PLEKHS1: variants seen among roughly 807,000 people sequenced by gnomAD.
PLEKHS1 encodes the protein pleckstrin homology domain containing S1, also known as pleckstrin homology domain-containing family S member 1.
A neutral mutation model predicts 51.0 loss-of-function variants in PLEKHS1; 55 were observed. The ratio of observed to expected loss-of-function variants is 1.08; its 90% CI spans 0.87 to 1.35. PLEKHS1 has a LOEUF of 1.35. Ranked by LOEUF, PLEKHS1 falls within the 40% of genes most tolerant of loss-of-function variation. The probability of loss-of-function intolerance (pLI) is 0.00; values close to 1 mark genes in which losing one functional copy is unlikely to be tolerated. For synonymous variants in PLEKHS1, 153 were observed against 144.8 expected, an observed-to-expected ratio of 1.06 and a Z score of -0.41; for missense variants, 398 against 423.0, an observed-to-expected ratio of 0.94 and a Z score of 0.52.
chr10:113,764,803 G>A (rs910493881), intron 2 of PLEKHS1: 3 of 152,308 alleles, frequency 2.0e-5, no homozygotes, highest in Non-Finnish European at 4.4e-5. Flanking sequence ...TGTTTATGTT[G>A]TTAGTTACAG....
chr10:113,778,365 T>G (rs1844761808), intron 11 of PLEKHS1, among the ~76,000 whole-genome samples: 1 of 152,248 alleles, frequency 6.6e-6, no homozygotes, highest in African/African-American at 2.4e-5. Context: ...TTAGCTTTCC[T>G]TAAAAAACAG....
chr10:113,755,044 G>A (rs560215354), intron 1 of PLEKHS1, among the ~76,000 whole-genome samples: 3 of 152,316 alleles, frequency 2.0e-5, no homozygotes, highest in Non-Finnish European at 2.9e-5. Context: ...CACTGTGTGA[G>A]GACAAGCTGC....
In PLEKHS1 at chr10:113,777,844, G is replaced by A. The variant is rs908780732; in HGVS notation, c.1091+1978G>A. On this transcript the variant is annotated intron_variant, in intron 11 of 11. Transcript: ENST00000361048. The stretch of plus-strand genomic sequence containing the variant: ...GCAAGAATTAAACATAATATGTGGT[G>A]CTGGGCACGGTGGCTTACACCTGTA... 7.7e-6 allele frequency: 10 copies of A among 1,299,782 alleles called. No homozygotes were observed. In the African/African-American group the frequency reaches 1.3e-4, roughly 18 times the overall value. The allele number at this position is 1,299,782 out of a possible 1,614,324, so 80.5% of individuals were successfully genotyped here.
At chr10:113,765,623 T>G (rs904024189) in intron 2 of PLEKHS1, among the ~76,000 whole-genome samples, 3 of 152,280 alleles carry the variant, frequency 2.0e-5, no homozygotes, top group Middle Eastern at 3.2e-3. Context: ...CTATAAGTGA[T>G]GAAATTATAG....
downstream of PLEKHS1, chr10:113,783,284 C>G (rs942482154): frequency 2.0e-5 from 3 of 151,628 alleles, no homozygotes; most frequent in Non-Finnish European, 2.9e-5. Flanking sequence ...GATTTCATAT[C>G]ATTGAACACT....
intron 2 of PLEKHS1, among the ~76,000 whole-genome samples, chr10:113,758,749 A>G (rs1460221495): frequency 6.6e-6 from 1 of 152,204 alleles, no homozygotes; most frequent in East Asian, 1.9e-4. Flanking sequence ...GGGAATAGCC[A>G]GTCAGTGGAG....
chr10:113,766,142 G>A (rs1389709060), intron 2 of PLEKHS1, among the ~76,000 whole-genome samples: 1 of 152,214 alleles, frequency 6.6e-6, no homozygotes, highest in Admixed American at 6.5e-5. Flanking sequence ...CACACGTAGA[G>A]AGCCAACGAC....
intron 8 of PLEKHS1, among the ~76,000 whole-genome samples, chr10:113,773,575 C>G (rs1399659553): frequency 6.6e-6 from 1 of 152,128 alleles, no homozygotes; most frequent in Non-Finnish European, 1.5e-5. Flanking sequence ...AAAGATGGCA[C>G]TCGAGGTGAA....
In PLEKHS1 at chr10:113,758,709, T is replaced by A. The variant is rs575810469; in HGVS notation, c.28+3404T>A. On this transcript the variant is annotated intron_variant, in intron 2 of 11. Coordinates refer to ENST00000361048, the Ensembl canonical transcript of PLEKHS1. ...TTCAATATTGTTGAGTCTCATTGAATAGGGAGGTCCAAGGAGAGGAGAGAG... is the reference window on the plus strand; with the variant it reads ...TTCAATATTGTTGAGTCTCATTGAAAAGGGAGGTCCAAGGAGAGGAGAGAG... 3.5e-4 allele frequency among the ~76,000 whole-genome samples: 54 copies of A among 152,304 alleles called. No individual in the cohort carries two copies. In the South Asian group the frequency reaches 0.011, roughly 32 times the overall value.
chr10:113,775,162 T>C, intron 10 of PLEKHS1, 127 bp downstream of exon 10: 2 of 830,988 alleles, frequency 2.4e-6, no homozygotes, highest in East Asian at 5.4e-5. Context: ...GCCAAAAACT[T>C]GACCATCTTC....
chr10:113,755,407 T>C, intron 2 of PLEKHS1, 102 bp downstream of exon 2: 1 of 1,494,956 alleles, frequency 6.7e-7, no homozygotes, highest in Non-Finnish European at 8.9e-7. Context: ...GGTTTTTGTG[T>C]ATGTTGTTTT....
intron 8 of PLEKHS1, 28 bp from the exon 9 acceptor site, chr10:113,774,199 T>TA (rs1844545023): frequency 7.2e-7 from 1 of 1,390,342 alleles, no homozygotes; most frequent in Non-Finnish European, 1.0e-6. Context: ...TAAACTGGGA[T>TA]TCTTACATCT....
At chr10:113,777,669 T>A in intron 11 of PLEKHS1, 1 of 1,527,184 alleles carries the variant, frequency 6.5e-7, no homozygotes, top group Admixed American at 2.0e-5. Flanking sequence ...CTTACAAAGG[T>A]GACTGGCACA....
chr10:113,752,609 A>T (rs1461359745), intron 1 of PLEKHS1, among the ~76,000 whole-genome samples: 1 of 152,206 alleles, frequency 6.6e-6, no homozygotes, highest in Non-Finnish European at 1.5e-5. Context: ...GGAGGTGTAG[A>T]GAAGTATTAT....
chr10:113,781,081 G>A (rs1167396596), exon 12 of PLEKHS1: 4 of 373,730 alleles, frequency 1.1e-5, no homozygotes, highest in Non-Finnish European at 2.0e-5. Flanking sequence ...TGTTCTGTGA[G>A]GATGTGGTCC....
At chr10:113,774,955 T>C (rs1427348334) in exon 10 of PLEKHS1, 3 of 1,614,180 alleles carry the variant, frequency 1.9e-6, no homozygotes, top group South Asian at 2.2e-5. Flanking sequence ...GTCTTTCCCC[T>C]GCCGATGTGG....
intron 11 of PLEKHS1, chr10:113,777,763 G>C: frequency 1.4e-6 from 2 of 1,452,552 alleles, no homozygotes; most frequent in Non-Finnish European, 1.8e-6. Context: ...ATTTTTTAAA[G>C]CCTCAGTTTC....
intron 8 of PLEKHS1, among the ~76,000 whole-genome samples, chr10:113,773,456 A>ACTAT (rs1469301963): frequency 6.6e-6 from 1 of 152,200 alleles, no homozygotes; most frequent in African/African-American, 2.4e-5. Flanking sequence ...AAGTAAAAAA[A>ACTAT]CTATGCAATG....
At chr10:113,766,792 T>C in intron 4 of PLEKHS1, 74 bp downstream of exon 4, 3 of 1,190,824 alleles carry the variant, frequency 2.5e-6, no homozygotes, top group Middle Eastern at 4.0e-4. Context: ...TGCATGCAAA[T>C]TGAAATTTAC....
Sources: allele counts gnomAD v4.1 joint callset (sites outside exome capture counted in the v4.1 genomes callset), GRCh38; gene constraint gnomAD v4.1.1; transcripts MANE v1.5; gene names NCBI Gene and HGNC (gene_info 2026-07-23, HGNC 2026-07-21).